MTCL3: variants seen among roughly 807,000 people sequenced by gnomAD.
The protein encoded by MTCL3 is MTCL family member 3.
the MTCL3 span, chr6:127,515,580 C>T: frequency 1.4e-6 from 2 of 1,444,776 alleles, no homozygotes; most frequent in Non-Finnish European, 1.8e-6. This position sits in a 1 kb window ranked among gnomAD's most constrained non-coding sequence, Gnocchi z 4.3. Context: ...GCTCTTGGAG[C>T]TGCTGCGGGT....
chr6:127,498,163 T>C, the MTCL3 span, among the ~76,000 whole-genome samples: 1 of 152,114 alleles, frequency 6.6e-6, no homozygotes, highest in Non-Finnish European at 1.5e-5. Flanking sequence ...AAGACAAGCC[T>C]AAGAAGAAAA....
the MTCL3 span, among the ~76,000 whole-genome samples, chr6:127,505,874 T>C: frequency 6.6e-6 from 1 of 152,188 alleles, no homozygotes; most frequent in Non-Finnish European, 1.5e-5. Context: ...AGCTGTTAAC[T>C]GACTATATGA....
chr6:127,475,022 A>G, the MTCL3 span, among the ~76,000 whole-genome samples: 17 of 152,224 alleles, frequency 1.1e-4, no homozygotes, highest in Non-Finnish European at 1.6e-4. This position sits in a 1 kb window ranked among gnomAD's most constrained non-coding sequence, Gnocchi z 7.3. Flanking sequence ...TTCCACAACA[A>G]TTGAGGGTAA....
the MTCL3 span, among the ~76,000 whole-genome samples, chr6:127,474,043 A>G: frequency 6.6e-6 from 1 of 152,062 alleles, no homozygotes; most frequent in Non-Finnish European, 1.5e-5. Flanking sequence ...TCTCTGAATT[A>G]GTGTTGCCTT....
the MTCL3 span, chr6:127,476,283 G>A: frequency 6.2e-7 from 1 of 1,614,068 alleles, no homozygotes; most frequent in South Asian, 1.1e-5. The surrounding 1 kb of genome is among the most constrained non-coding windows in gnomAD (Gnocchi z 4.4). Context: ...CCTCCCTAGT[G>A]CTGGGAGGGC....
chr6:127,512,487 C>G, the MTCL3 span, among the ~76,000 whole-genome samples: 1 of 152,112 alleles, frequency 6.6e-6, no homozygotes, highest in Non-Finnish European at 1.5e-5. Flanking sequence ...AGAGTCTTTT[C>G]CATCCTAAAA....
chr6:127,515,230 C>A, the MTCL3 span, among the ~76,000 whole-genome samples: 1 of 152,100 alleles, frequency 6.6e-6, no homozygotes, highest in African/African-American at 2.4e-5. The surrounding 1 kb of genome is among the most constrained non-coding windows in gnomAD (Gnocchi z 4.3). Context: ...CACTTTAGGC[C>A]CTCTCTCGTT....
the MTCL3 span, among the ~76,000 whole-genome samples, chr6:127,500,764 A>C: frequency 7.9e-5 from 12 of 152,340 alleles, no homozygotes; most frequent in African/African-American, 2.9e-4. Flanking sequence ...CTATAATCTC[A>C]CATTAAATTA....
chr6:127,488,054 CA>C, the MTCL3 span, among the ~76,000 whole-genome samples: 7 of 152,032 alleles, frequency 4.6e-5, no homozygotes, highest in African/African-American at 1.7e-4. Context: ...ACAAGCCCTT[CA>C]ACCTCATCTC....
chr6:127,515,366 C>G, the MTCL3 span: 75 of 812,778 alleles, frequency 9.2e-5, no homozygotes, highest in Non-Finnish European at 1.8e-5. This position sits in a 1 kb window ranked among gnomAD's most constrained non-coding sequence, Gnocchi z 4.3. Flanking sequence ...CCGGCAAGGC[C>G]TAGGAAACCC....
the MTCL3 span, chr6:127,516,597 G>A: frequency 6.3e-7 from 1 of 1,595,700 alleles, no homozygotes; most frequent in Non-Finnish European, 8.5e-7. Context: ...CAGCGCCCCC[G>A]ATTGGTGGCT....
chr6:127,516,195 G>A, the MTCL3 span: 1 of 1,433,920 alleles, frequency 7.0e-7, no homozygotes, highest in South Asian at 1.5e-5. Flanking sequence ...CGGGCGGTCC[G>A]GGCCTCCTGC....
At chr6:127,511,479 T>A in the MTCL3 span, among the ~76,000 whole-genome samples, 1 of 152,218 alleles carries the variant, frequency 6.6e-6, no homozygotes, top group Non-Finnish European at 1.5e-5. Flanking sequence ...TAAATGGCAA[T>A]GTTCTGAATT....
the MTCL3 span, chr6:127,514,958 G>A: frequency 1.5e-5 from 24 of 1,614,166 alleles, no homozygotes; most frequent in Non-Finnish European, 1.9e-5. Flanking sequence ...TCTCCAACTC[G>A]TGGCGCATTT....
chr6:127,517,367 T>C, the MTCL3 span, among the ~76,000 whole-genome samples: 2 of 152,168 alleles, frequency 1.3e-5, no homozygotes, highest in African/African-American at 2.4e-5. Flanking sequence ...AAGAAAATAA[T>C]AGCATTAAGA....
chr6:127,494,645 A>T, the MTCL3 span, among the ~76,000 whole-genome samples: 1 of 152,240 alleles, frequency 6.6e-6, no homozygotes, highest in African/African-American at 2.4e-5. Flanking sequence ...CTACCAGTGA[A>T]GTAGTTTATG....
the MTCL3 span, among the ~76,000 whole-genome samples, chr6:127,491,271 G>A: frequency 6.6e-6 from 1 of 152,196 alleles, no homozygotes; most frequent in Admixed American, 6.5e-5. Context: ...GCCTGCTACA[G>A]GGCAGTCTTT....
At chr6:127,475,159 G>C in the MTCL3 span, 1 of 885,296 alleles carries the variant, frequency 1.1e-6, no homozygotes, top group Admixed American at 3.4e-5. This position sits in a 1 kb window ranked among gnomAD's most constrained non-coding sequence, Gnocchi z 7.3. Flanking sequence ...GGGGGTTTCA[G>C]GCCCCAGCGC....
the MTCL3 span, chr6:127,476,112 C>G: frequency 6.2e-7 from 1 of 1,614,160 alleles, no homozygotes; most frequent in Non-Finnish European, 8.5e-7. This position sits in a 1 kb window ranked among gnomAD's most constrained non-coding sequence, Gnocchi z 4.4. Context: ...GGGATTCGCT[C>G]TGCTCCCTCA....
Sources: allele counts gnomAD v4.1 joint callset (sites outside exome capture counted in the v4.1 genomes callset), GRCh38; gene constraint gnomAD v4.1.1; non-coding constraint Gnocchi (gnomAD v3.1); transcripts MANE v1.5; gene names NCBI Gene and HGNC (gene_info 2026-07-23, HGNC 2026-07-21).